The following ARK2C variants were observed in gnomAD, a reference collection of about 807,000 sequenced individuals.
The protein encoded by ARK2C is E3 ubiquitin-protein ligase ARK2C.
chr18:46,354,686 C>T, the ARK2C span, among the ~76,000 whole-genome samples: 18 of 152,302 alleles, frequency 1.2e-4, no homozygotes, highest in South Asian at 2.1e-4. Flanking sequence ...AACTGGGATG[C>T]GCCTTATAAA....
At chr18:46,388,750 G>A in the ARK2C span, among the ~76,000 whole-genome samples, 1 of 152,136 alleles carries the variant, frequency 6.6e-6, no homozygotes, top group East Asian at 1.9e-4. Context: ...GTGGGCTCAG[G>A]ATAAATCAAA....
the ARK2C span, among the ~76,000 whole-genome samples, chr18:46,437,558 C>T: frequency 1.3e-5 from 2 of 151,762 alleles, no homozygotes; most frequent in East Asian, 1.9e-4. Context: ...AGCCCAAGGT[C>T]GTCCACCCCC....
the ARK2C span, among the ~76,000 whole-genome samples, chr18:46,366,781 C>T: frequency 1.3e-5 from 2 of 152,186 alleles, no homozygotes; most frequent in South Asian, 4.1e-4. Context: ...TTCACATGCT[C>T]ATTCATTTAT....
the ARK2C span, among the ~76,000 whole-genome samples, chr18:46,353,007 C>T: frequency 1.2e-4 from 18 of 152,316 alleles, no homozygotes; most frequent in Admixed American, 1.2e-3. Context: ...TGGCTTCACC[C>T]AAATAGGCAA....
chr18:46,367,975 GGT>G, the ARK2C span, among the ~76,000 whole-genome samples: 1 of 152,216 alleles, frequency 6.6e-6, no homozygotes, highest in African/African-American at 2.4e-5. Context: ...CTCCAAGTGT[GGT>G]GCCCTAGGCA....
At chr18:46,433,979 G>T in the ARK2C span, among the ~76,000 whole-genome samples, 1 of 152,190 alleles carries the variant, frequency 6.6e-6, no homozygotes, top group Non-Finnish European at 1.5e-5. Context: ...AGGAACGGCT[G>T]GTTCCCACCC....
the ARK2C span, among the ~76,000 whole-genome samples, chr18:46,338,189 G>T: frequency 3.9e-5 from 6 of 152,310 alleles, no homozygotes; most frequent in South Asian, 1.0e-3. Flanking sequence ...CATGCTGGGG[G>T]TGACATGTTA....
the ARK2C span, among the ~76,000 whole-genome samples, chr18:46,351,835 A>G: frequency 6.6e-6 from 1 of 152,090 alleles, no homozygotes; most frequent in African/African-American, 2.4e-5. Flanking sequence ...ACGTCAATCC[A>G]CTGCGCACAA....
At chr18:46,400,255 T>C in the ARK2C span, among the ~76,000 whole-genome samples, 3 of 152,180 alleles carry the variant, frequency 2.0e-5, no homozygotes, top group Admixed American at 6.5e-5. Context: ...CCTGGCCATG[T>C]GGGTAGGCCT....
chr18:46,400,617 C>T, the ARK2C span, among the ~76,000 whole-genome samples: 1 of 152,132 alleles, frequency 6.6e-6, no homozygotes, highest in Admixed American at 6.5e-5. Flanking sequence ...TCAGAACTCC[C>T]CCATTCTCAC....
chr18:46,337,353 G>T, the ARK2C span: 4 of 985,180 alleles, frequency 4.1e-6, no homozygotes, highest in African/African-American at 7.0e-5. Flanking sequence ...ATATCCTTTT[G>T]GTTGTGTATC....
the ARK2C span, among the ~76,000 whole-genome samples, chr18:46,422,913 A>G: frequency 1.3e-5 from 2 of 152,196 alleles, no homozygotes; most frequent in Non-Finnish European, 2.9e-5. Context: ...AAAGACCTTT[A>G]GCCTTTGACT....
chr18:46,396,420 T>C, the ARK2C span, among the ~76,000 whole-genome samples: 17 of 152,336 alleles, frequency 1.1e-4, no homozygotes, highest in Non-Finnish European at 2.4e-4. Context: ...ACATTCTACC[T>C]GCCCAGACAC....
the ARK2C span, among the ~76,000 whole-genome samples, chr18:46,383,831 G>A: frequency 1.1e-3 from 161 of 151,272 alleles, no homozygotes; most frequent in African/African-American, 3.2e-3. Flanking sequence ...GATCACAGGC[G>A]TGAGCCACCG....
At chr18:46,407,058 C>T in the ARK2C span, among the ~76,000 whole-genome samples, 2 of 152,204 alleles carry the variant, frequency 1.3e-5, no homozygotes, top group Non-Finnish European at 2.9e-5. Flanking sequence ...TTTGCCTCGG[C>T]CTCTACCACC....
the ARK2C span, chr18:46,450,391 G>A: frequency 1.9e-6 from 3 of 1,609,740 alleles, no homozygotes; most frequent in South Asian, 3.3e-5. Flanking sequence ...CCGTACGGGA[G>A]AGCTATGAGG....
the ARK2C span, among the ~76,000 whole-genome samples, chr18:46,346,212 G>A: frequency 1.3e-5 from 2 of 152,202 alleles, no homozygotes; most frequent in Non-Finnish European, 2.9e-5. Flanking sequence ...GGGAGGCCAG[G>A]AGACGGAGAG....
the ARK2C span, among the ~76,000 whole-genome samples, chr18:46,397,969 T>C: frequency 1.4e-5 from 2 of 142,534 alleles, no homozygotes; most frequent in Admixed American, 7.0e-5. Flanking sequence ...GGGGTGTGTG[T>C]GTGTGGTCAT....
At chr18:46,439,253 A>G in the ARK2C span, among the ~76,000 whole-genome samples, 1 of 152,202 alleles carries the variant, frequency 6.6e-6, no homozygotes, top group South Asian at 2.1e-4. Flanking sequence ...TTCCCTCAGA[A>G]AGATCTCAGA....
Sources: gnomAD v4.1 joint callset for allele counts (sites outside exome capture counted in the v4.1 genomes callset) on GRCh38, gnomAD v4.1.1 for gene constraint, MANE v1.5 for transcripts, NCBI Gene and HGNC (gene_info 2026-07-23, HGNC 2026-07-21) for gene names.